The following SGK3 variants were observed in gnomAD, a reference collection of about 807,000 sequenced individuals.
The protein encoded by SGK3 is serum/glucocorticoid regulated kinase family member 3, also known as serine/threonine-protein kinase Sgk3.
SGK3 carries 47 observed loss-of-function variants against 68.5 expected under a neutral mutation model. That is an observed-to-expected ratio of 0.69 (90% CI 0.54 to 0.87). The LOEUF (loss-of-function observed/expected upper bound fraction) is 0.87. Ranked by LOEUF, SGK3 falls within the 40% of genes least tolerant of loss-of-function variation. The probability of loss-of-function intolerance (pLI) is 0.00; values close to 1 mark genes in which losing one functional copy is unlikely to be tolerated. For synonymous variants in SGK3, 181 were observed against 189.1 expected (o/e 0.96, Z 0.35); for missense variants, 479 against 575.5 (o/e 0.83, Z 1.72).
chr8:66,821,387 T>TATA (rs1423225544), intron 5 of SGK3, among the ~76,000 whole-genome samples: 1 of 152,164 alleles, frequency 6.6e-6, no homozygotes, highest in Non-Finnish European at 1.5e-5. Flanking sequence ...TGGTATTCCC[T>TATA]ATAGGCAGTT....
intron 1 of SGK3, among the ~76,000 whole-genome samples, chr8:66,755,038 C>T (rs543043883): frequency 6.6e-6 from 1 of 152,230 alleles, no homozygotes; most frequent in East Asian, 1.9e-4. Context: ...GCGGGTGGAT[C>T]ACCTGAGGTC....
chr8:66,859,103 C>T (rs1810652068), intron 16 of SGK3, among the ~76,000 whole-genome samples: 1 of 152,106 alleles, frequency 6.6e-6, no homozygotes, highest in South Asian at 2.1e-4. Context: ...GAGGCTGAGG[C>T]AGGTGAATCA....
At chr8:66,825,615 A>AC (rs1171322145) in intron 6 of SGK3, among the ~76,000 whole-genome samples, 1 of 152,032 alleles carries the variant, frequency 6.6e-6, no homozygotes, top group Non-Finnish European at 1.5e-5. Context: ...CCTATTAAGG[A>AC]CTTTTAAGTG....
At chr8:66,832,820 G>A (rs1809356642) in intron 8 of SGK3, among the ~76,000 whole-genome samples, 1 of 151,524 alleles carries the variant, frequency 6.6e-6, no homozygotes, top group African/African-American at 2.4e-5. Context: ...TGCATATAAT[G>A]TGAGGCATAG....
At chr8:66,855,268 T>A (rs753061500) in intron 16 of SGK3, among the ~76,000 whole-genome samples, 2 of 152,168 alleles carry the variant, frequency 1.3e-5, no homozygotes, top group African/African-American at 4.8e-5. Context: ...AGTGGTGCAA[T>A]CTCGGCTCAC....
intron 12 of SGK3, chr8:66,840,792 C>A: frequency 3.5e-6 from 1 of 282,640 alleles, no homozygotes; most frequent in Non-Finnish European, 6.5e-6. Flanking sequence ...ACTAAAAATG[C>A]AAAAATTAGC....
intron 1 of SGK3, among the ~76,000 whole-genome samples, chr8:66,752,775 C>T (rs1328447519): frequency 1.3e-5 from 2 of 151,856 alleles, no homozygotes; most frequent in Non-Finnish European, 2.9e-5. Context: ...ATGTTTTCGG[C>T]GAGACAAGGA....
chr8:66,744,840 G>C (rs1223887791), intron 1 of SGK3, among the ~76,000 whole-genome samples: 2 of 150,618 alleles, frequency 1.3e-5, no homozygotes, highest in African/African-American at 2.4e-5. Context: ...TTAGTTGTGT[G>C]TGGGACCTTT....
intron 1 of SGK3, among the ~76,000 whole-genome samples, chr8:66,725,737 GCTGTGA>G (rs1169523467): frequency 6.6e-6 from 1 of 151,958 alleles, no homozygotes; most frequent in East Asian, 1.9e-4. Context: ...ACTCTCAAAT[GCTGTGA>G]CTAAGATTCA....
chr8:66,799,385 G>C (rs1807833391), intron 3 of SGK3, among the ~76,000 whole-genome samples: 1 of 152,136 alleles, frequency 6.6e-6, no homozygotes, highest in Non-Finnish European at 1.5e-5. Context: ...AATATAGCAA[G>C]ACACCATCTA....
intron 16 of SGK3, among the ~76,000 whole-genome samples, chr8:66,852,116 C>G (rs970025109): frequency 2.0e-5 from 3 of 151,826 alleles, no homozygotes; most frequent in African/African-American, 7.3e-5. Flanking sequence ...TACATGAAAA[C>G]ATGGTAATTA....
chr8:66,715,533 G>A (rs920277568), intron 1 of SGK3, among the ~76,000 whole-genome samples: 4 of 152,146 alleles, frequency 2.6e-5, no homozygotes. Context: ...GATTACAGGC[G>A]TGAGCCACCG....
chr8:66,791,923 C>G (rs779434557), intron 1 of SGK3, among the ~76,000 whole-genome samples: 3 of 152,132 alleles, frequency 2.0e-5, no homozygotes, highest in Non-Finnish European at 2.9e-5. Flanking sequence ...GGCAAAGCAG[C>G]TACTATTATG....
intron 1 of SGK3, among the ~76,000 whole-genome samples, chr8:66,715,261 C>CTTT (rs1563591155): frequency 7.0e-6 from 1 of 143,760 alleles, no homozygotes; most frequent in African/African-American, 2.9e-5. Flanking sequence ...TTCTTTCTTT[C>CTTT]TTTGTTTTTT....
intron 1 of SGK3, among the ~76,000 whole-genome samples, chr8:66,732,504 A>T (rs1318591067): frequency 1.3e-5 from 2 of 151,676 alleles, no homozygotes; most frequent in African/African-American, 4.8e-5. Context: ...AAAAAAAAAA[A>T]TTTAACTTTG....
chr8:66,738,170 T>G (rs548386924), intron 1 of SGK3, among the ~76,000 whole-genome samples: 2 of 152,316 alleles, frequency 1.3e-5, no homozygotes, highest in African/African-American at 4.8e-5. Context: ...CTTGGTCTCC[T>G]TTACTGCCTG....
chr8:66,835,308 G>A (rs1447660339), intron 8 of SGK3, among the ~76,000 whole-genome samples: 1 of 152,080 alleles, frequency 6.6e-6, no homozygotes, highest in Non-Finnish European at 1.5e-5. Flanking sequence ...GAAATCCATG[G>A]CACTTTTTCT....
At chr8:66,770,673 C>G (rs189487065) in intron 1 of SGK3, among the ~76,000 whole-genome samples, 1 of 152,302 alleles carries the variant, frequency 6.6e-6, no homozygotes, top group Non-Finnish European at 1.5e-5. Flanking sequence ...GCTATTCTGT[C>G]TAATGCTTTC....
intron 1 of SGK3, among the ~76,000 whole-genome samples, chr8:66,736,311 A>G (rs1805313578): frequency 6.6e-6 from 1 of 152,206 alleles, no homozygotes; most frequent in African/African-American, 2.4e-5. Flanking sequence ...TAGTACAGCA[A>G]TTACTTACAT....
Sources: allele counts gnomAD v4.1 joint callset (sites outside exome capture counted in the v4.1 genomes callset), GRCh38; gene constraint gnomAD v4.1.1; transcripts MANE v1.5; gene names NCBI Gene and HGNC (gene_info 2026-07-23, HGNC 2026-07-21).